FBXW12: variants seen among roughly 807,000 people sequenced by gnomAD.
FBXW12 encodes the protein F-box and WD repeat domain containing 12, also known as F-box/WD repeat-containing protein 12.
Under a neutral mutation model 55.3 loss-of-function variants are expected in FBXW12, and 43 were observed. The ratio of observed to expected loss-of-function variants is 0.78; its 90% CI spans 0.61 to 1.00. FBXW12 has a LOEUF of 1.00. FBXW12 is among the 50% of genes least tolerant of loss of function. The pLI is 0.00. For missense variants in FBXW12, 524 were observed against 560.5 expected (o/e 0.93, Z 0.66); for synonymous variants, 184 against 203.8 (o/e 0.90, Z 0.83).
intron 5 of FBXW12, among the ~76,000 whole-genome samples, chr3:48,376,574 G>A (rs2036689705): frequency 1.3e-5 from 2 of 152,178 alleles, no homozygotes; most frequent in South Asian, 4.1e-4. Flanking sequence ...TAAAGTTTTT[G>A]TTGAAGAGAA....
At chr3:48,385,132 C>T (rs1442823857) in intron 10 of FBXW12, among the ~76,000 whole-genome samples, 4 of 152,154 alleles carry the variant, frequency 2.6e-5, no homozygotes, top group African/African-American at 4.8e-5. Flanking sequence ...CCCCTCTCTC[C>T]CAGCCTCTGT....
chr3:48,376,241 CA>C (rs1401870149), intron 5 of FBXW12, among the ~76,000 whole-genome samples: 6 of 152,104 alleles, frequency 3.9e-5, no homozygotes, highest in African/African-American at 1.4e-4. Context: ...CTCAGCCTCC[CA>C]AAGTGCTGGG....
At chr3:48,378,613 C>CT (rs749717436) in intron 6 of FBXW12, 87 bp downstream of exon 6, 113,375 of 567,942 alleles carry the variant, frequency 0.2, 4,498 homozygotes, top group East Asian at 0.39. Context: ...TGTCCTATCC[C>CT]TTTTTTTTTT....
chr3:48,378,329 T>C lies in FBXW12; in HGVS notation c.418T>C (p.Trp140Arg), dbSNP rs774137412. The change falls in exon 6 of 11, where the codon TGG (tryptophan) becomes CGG (arginine). Residue 140 changes from tryptophan (W) to arginine (R), a missense_variant. By Grantham distance (101) the Trp-to-Arg change is moderately radical. Transcript: ENST00000296438. ...AWDVQEGTMI[W>R]SSPVQEFHFS... ...TCTCGTTTTCTAGGGTACCATGATC[T>C]GGTCAAGCCCAGTCCAGGAGTTCCA... The C allele has an allele frequency of 3.7e-6, 6 of 1,613,928 alleles. No individual in the cohort carries two copies. In the African/African-American group the frequency reaches 6.7e-5, roughly 18 times the overall value.
chr3:48,379,678 T>G lies in FBXW12; in HGVS notation c.774+120T>G, dbSNP rs2036738138. The G allele has an allele frequency of 6.6e-6, 5 of 754,018 alleles. No homozygotes were observed. The East Asian group carries it at 1.3e-4, about 19-fold the overall frequency. 46.7% of individuals were successfully genotyped at this position (754,018 alleles called of 1,614,324 possible). A position where few individuals can be genotyped will look rare whatever the true frequency, so the allele number is the denominator to read the frequency against. ...CTGCTCCTTCCTCTCTAAGACCACA[T>G]CACAAGGGGAATCCATTGTGATGGT... On this transcript the variant is annotated intron_variant, in intron 7 of 10. Transcript: ENST00000296438.
At chr3:48,372,418 C>T (rs899577076) in intron 1 of FBXW12, 98 bp downstream of exon 1, 15 of 1,409,222 alleles carry the variant, frequency 1.1e-5, no homozygotes, top group Middle Eastern at 1.8e-4. Flanking sequence ...TGAGTGCACT[C>T]GGTGACATTT....
chr3:48,394,646 C>A lies in FBXW12; in HGVS notation c.1382C>A (p.Ser461Tyr), dbSNP rs756450096. The change falls in exon 11 of 11, where the codon TCT becomes TAT. Residue 461 changes from serine (S) to tyrosine (Y), a missense_variant. Coordinates refer to ENST00000296438, the MANE Select transcript of FBXW12 (RefSeq NM_207102.2). ...VSDSSILVMY[S>Y]LNT ...GACTCCAGCATTCTGGTGATGTATT[C>A]TTTGAATACGTAATATGGAAACTAA... is the stretch of plus-strand genomic sequence containing the variant. 9 of 1,576,426 alleles carry A rather than the reference C, an allele frequency of 5.7e-6. No homozygotes were observed. In the Admixed American group the frequency reaches 1.6e-4, roughly 27 times the overall value.
intron 1 of FBXW12, 96 bp downstream of exon 1, chr3:48,372,416 C>A: frequency 2.8e-6 from 4 of 1,416,472 alleles, no homozygotes; most frequent in Non-Finnish European, 3.9e-6. Context: ...AGTGAGTGCA[C>A]TCGGTGACAT....
intron 10 of FBXW12, among the ~76,000 whole-genome samples, chr3:48,385,104 A>G (rs1335652468): frequency 6.6e-6 from 1 of 152,122 alleles, no homozygotes; most frequent in Non-Finnish European, 1.5e-5. Context: ...GGGCCCTTTG[A>G]CCAACATCTC....
chr3:48,372,282 TGA>T lies in FBXW12; in HGVS notation c.-118_-117del, dbSNP rs1560028663. ...AGAAACCCAGAGGCCATGCTGGCGC[TGA>T]GAGATGAGCCCCACTCACCAGATTC... On this transcript the variant is annotated 5_prime_UTR_variant, in exon 1 of 11. In the 5' UTR this introduces an upstream ATG that the reference lacks. Coordinates refer to ENST00000296438, the MANE Select transcript of FBXW12 (RefSeq NM_207102.2). 1.9e-6 allele frequency: 3 copies of T among 1,552,070 alleles called. No homozygotes were observed. The highest frequency in any genetic ancestry group is 1.7e-6 in the Non-Finnish European group (2 of 1,147,106).
intron 4 of FBXW12, 56 bp downstream of exon 4, chr3:48,373,761 C>T: frequency 6.6e-7 from 1 of 1,509,068 alleles, no homozygotes; most frequent in South Asian, 1.2e-5. Context: ...GAGGTCCACT[C>T]TATTTGATTT....
chr3:48,385,124 CCT>C (rs111284235), intron 10 of FBXW12, among the ~76,000 whole-genome samples: 2 of 152,082 alleles, frequency 1.3e-5, no homozygotes, highest in African/African-American at 4.8e-5. Context: ...CTTCATTCCC[CCT>C]CTCTCCCAGC....
Position 48,394,705 on chromosome 3 carries a change from G to C in FBXW12, c.*46G>C. 3.9e-6 allele frequency: 4 copies of C among 1,026,198 alleles called. No individual in the cohort carries two copies. The highest frequency in any genetic ancestry group is 2.2e-4 in the Middle Eastern group (1 of 4,566). 63.6% of individuals were successfully genotyped at this position (1,026,198 alleles called of 1,614,324 possible). ...ACCTTGCATCATCTTCTGCAATGTA[G>C]TAAAGAAATTCTATTTGCAAGCCCA... On this transcript the variant is annotated 3_prime_UTR_variant, in exon 11 of 11. Transcript: ENST00000296438.
intron 5 of FBXW12, among the ~76,000 whole-genome samples, chr3:48,376,900 C>T (rs1396051484): frequency 6.6e-6 from 1 of 152,062 alleles, no homozygotes; most frequent in Non-Finnish European, 1.5e-5. Flanking sequence ...TTCACCTTTT[C>T]TGAATAACAG....
At chr3:48,373,999 A>G (rs1339377236) in intron 4 of FBXW12, among the ~76,000 whole-genome samples, 3 of 152,070 alleles carry the variant, frequency 2.0e-5, no homozygotes, top group African/African-American at 7.2e-5. Flanking sequence ...AAAATCAGAA[A>G]AAAAAAATTA....
In FBXW12 at chr3:48,379,426, C is replaced by T; in HGVS notation, c.642C>T (p.Tyr214=). The T allele has an allele frequency of 6.2e-7, 1 of 1,614,150 alleles. No individual in the cohort carries two copies. The highest frequency in any genetic ancestry group is 8.5e-7 in the Non-Finnish European group (1 of 1,179,996). ...LMVGDAAGDI[Y]TFTLPGLRDV... The stretch of plus-strand genomic sequence containing the variant: ...TTGGCGATGCTGCAGGTGACATCTA[C>T]ACATTTACACTGCCTGGGTTAAGAG... The change falls in exon 7 of 11, where the codon TAC becomes TAT. Residue 214 remains tyrosine (Y), a synonymous_variant. Transcript: ENST00000296438.
chr3:48,389,062 C>T (rs1335330319), intron 10 of FBXW12, among the ~76,000 whole-genome samples: 1 of 152,158 alleles, frequency 6.6e-6, no homozygotes, highest in African/African-American at 2.4e-5. Context: ...ATTCTATCTT[C>T]TACATCTACG....
At chr3:48,392,139 G>A (rs1287272032) in intron 10 of FBXW12, among the ~76,000 whole-genome samples, 2 of 151,906 alleles carry the variant, frequency 1.3e-5, no homozygotes, top group South Asian at 2.1e-4. Context: ...GTTTGTTTAC[G>A]GTTTGTCTCT....
chr3:48,380,957 C>G, intron 8 of FBXW12, 45 bp downstream of exon 8: 1 of 1,506,024 alleles, frequency 6.6e-7, no homozygotes, highest in African/African-American at 1.4e-5. Flanking sequence ...TTCCTCATCA[C>G]ACAGTCATTC....
Sources: gnomAD v4.1 joint callset for allele counts (sites outside exome capture counted in the v4.1 genomes callset) on GRCh38, gnomAD v4.1.1 for gene constraint, MANE v1.5 for transcripts, NCBI Gene and HGNC (gene_info 2026-07-23, HGNC 2026-07-21) for gene names.